DIS3: variants seen among roughly 807,000 people sequenced by gnomAD.
DIS3 encodes exosome complex exonuclease RRP44.
In DIS3, 103 loss-of-function variants were observed where a neutral mutation model predicts 113.0. The observed-to-expected ratio is 0.91, with a 90% confidence interval of 0.78 to 1.07. The LOEUF (loss-of-function observed/expected upper bound fraction) is 1.07. DIS3 is among the 50% of genes least tolerant of loss of function. The probability of loss-of-function intolerance (pLI) is 0.00; values close to 1 mark genes in which losing one functional copy is unlikely to be tolerated. For missense variants in DIS3, 1,121 were observed against 1,167.1 expected (o/e 0.96, Z 0.58); for synonymous variants, 402 against 394.3 (o/e 1.02, Z -0.23).
chr13:72,770,946 T>G lies in DIS3; in HGVS notation c.1713A>C (p.Glu571Asp). The G allele has an allele frequency of 6.2e-7, 1 of 1,606,326 alleles. No individual in the cohort carries two copies. Among genetic ancestry groups the G allele is most frequent in the South Asian group, 1.1e-5 (1 of 89,516 alleles). The change falls in exon 13 of 21, where the codon GAA becomes GAC. Residue 571 changes from glutamate to aspartate, a missense_variant. This residue lies in a region of DIS3 where 861 missense variants were observed against 915.5 expected (regional missense o/e 0.94). Transcript: ENST00000377767. Reference sequence around the variant, plus strand: ...TTTTGGTAAACTTCGTTTTTAAGATTTCAGCATTGTGATTCATTTCCCAAA... The same window carrying G: ...TTTTGGTAAACTTCGTTTTTAAGATGTCAGCATTGTGATTCATTTCCCAAA... The part of the protein sequence containing the change: ...SCIWEMNHNA[E>D]ILKTKFTKSV...
At position 72,753,940 on chromosome 13, in the gene DIS3, A is replaced by T. The variant is rs1453041735; in HGVS notation, c.*5855T>A. 9.4e-7 allele frequency: 1 copy of T among 1,065,990 alleles called. No individual in the cohort carries two copies. Among genetic ancestry groups the T allele is most frequent in the Non-Finnish European group, 1.3e-6 (1 of 755,782 alleles). The allele number at this position is 1,065,990 out of a possible 1,614,324, so 66.0% of individuals were successfully genotyped here. ...ATGAAATTTAAAACACTAAAAGGTA[A>T]GCCTGTTTTCTTAACATCCAATAAC... On this transcript the variant is annotated 3_prime_UTR_variant, in exon 21 of 21. Coordinates refer to ENST00000377767, the MANE Select transcript of DIS3 (RefSeq NM_014953.5).
chr13:72,759,238 A>G lies in DIS3; in HGVS notation c.*557T>C. On this transcript the variant is annotated 3_prime_UTR_variant, in exon 21 of 21. Coordinates refer to ENST00000377767, the MANE Select transcript of DIS3 (RefSeq NM_014953.5). Reference sequence around the variant, plus strand: ...TTTTTGCCTTTCTACCAATTCCCAAACATTCACAGTTTTTCAAGGACCACT... The same window carrying G: ...TTTTTGCCTTTCTACCAATTCCCAAGCATTCACAGTTTTTCAAGGACCACT... The G allele has an allele frequency of 5.0e-6, 1 of 200,118 alleles. No individual in the cohort carries two copies. The highest frequency in any genetic ancestry group is 1.0e-5 in the Non-Finnish European group (1 of 97,000). 12.4% of individuals were successfully genotyped at this position (200,118 alleles called of 1,614,324 possible). A position where few individuals can be genotyped will look rare whatever the true frequency, so the allele number is the denominator to read the frequency against.
chr13:72,777,827 G>T (rs933648370), intron 3 of DIS3, among the ~76,000 whole-genome samples: 8 of 151,378 alleles, frequency 5.3e-5, no homozygotes, highest in African/African-American at 1.5e-4. Flanking sequence ...TCTCAAGCAA[G>T]CCTCTTGCCC....
At chr13:72,765,683 G>A (rs969164214) in intron 15 of DIS3, among the ~76,000 whole-genome samples, 1 of 152,084 alleles carries the variant, frequency 6.6e-6, no homozygotes, top group African/African-American at 2.4e-5. Context: ...ATTAATTGGG[G>A]TAATTTTTTT....
intron 2 of DIS3, 94 bp downstream of exon 2, chr13:72,780,752 T>C: frequency 4.2e-6 from 5 of 1,182,042 alleles, no homozygotes; most frequent in Middle Eastern, 2.1e-4. Flanking sequence ...CTATCACTTA[T>C]CTTCTGACAA....
In DIS3 at chr13:72,754,301, GTTTC is replaced by G. The variant is rs2033378079; in HGVS notation, c.*5490_*5493del. On this transcript the variant is annotated 3_prime_UTR_variant, in exon 21 of 21. Transcript: ENST00000377767. The stretch of plus-strand genomic sequence containing the variant: ...GCCAACATGCCCAGCCTTGTATGCC[GTTTC>G]TTTTTTTTCTTTTTTTTTTTTTTTG... 1 of 154,942 alleles carries G rather than the reference GTTTC, an allele frequency of 6.5e-6. No homozygotes were observed. 9.6% of individuals were successfully genotyped at this position (154,942 alleles called of 1,614,324 possible).
Position 72,772,184 on chromosome 13 carries a change from C to T in DIS3, c.1478G>A (p.Arg493Gln), listed in dbSNP as rs547725369. The change falls in exon 10 of 21, where the codon CGA becomes CAA. Residue 493 changes from arginine (R) to glutamine (Q), a missense_variant. Physicochemically the swap from Arg to Gln is conservative, Grantham distance 43 (BLOSUM62 1). This residue lies in a region of DIS3 where 861 missense variants were observed against 915.5 expected (regional missense o/e 0.94). Coordinates refer to ENST00000377767, the MANE Select transcript of DIS3 (RefSeq NM_014953.5). ...CTCCAAATTTCCATTTTCGAGTTCT[C>T]GACAATGTAGAGCATCGTCTATATC... ...CTDIDDALHC[R>Q]ELENGNLEVG... is the part of the protein sequence containing the mutation. The T allele has an allele frequency of 5.6e-6, 9 of 1,612,996 alleles. No individual in the cohort carries two copies. Among genetic ancestry groups the T allele is most frequent in the Admixed American group, 3.3e-5 (2 of 59,912 alleles).
At chr13:72,774,147 A>G (rs1176631388) in intron 6 of DIS3, 88 bp from the exon 7 acceptor site, 1 of 757,594 alleles carries the variant, frequency 1.3e-6, no homozygotes, top group African/African-American at 1.8e-5. Context: ...ATACATGGAT[A>G]CTAATCCATT....
chr13:72,755,390 T>G lies in DIS3; in HGVS notation c.*4405A>C. ...GACATAGGAACAACAGAAATGCTCC[T>G]GGAACTTCAAGTTGCTGAATTATAA... On this transcript the variant is annotated 3_prime_UTR_variant, in exon 21 of 21. Transcript: ENST00000377767. 3.7e-6 allele frequency: 2 copies of G among 538,264 alleles called. No individual in the cohort carries two copies. Among genetic ancestry groups the G allele is most frequent in the Non-Finnish European group, 6.5e-6 (2 of 305,702 alleles). 33.3% of individuals were successfully genotyped at this position (538,264 alleles called of 1,614,324 possible). A position where few individuals can be genotyped will look rare whatever the true frequency, so the allele number is the denominator to read the frequency against.
chr13:72,768,746 T>G, intron 14 of DIS3, 39 bp downstream of exon 14: 1 of 1,445,044 alleles, frequency 6.9e-7, no homozygotes, highest in South Asian at 1.2e-5. Context: ...ATGTAAAGAG[T>G]ATAAAAATTA....
chr13:72,770,063 T>C lies in DIS3; in HGVS notation c.1755+841A>G, dbSNP rs116634578. On this transcript the variant is annotated intron_variant, in intron 13 of 20. Coordinates refer to ENST00000377767, the MANE Select transcript of DIS3 (RefSeq NM_014953.5). ...CCAATGGTGACTTAAACATCATTTC[T>C]GTGAGAAAATGTGAAGAAAGAAGTG... Among the ~76,000 whole-genome samples the C allele has an allele frequency of 5.3e-3, 809 of 152,298 alleles. 15 individuals are homozygous for C. The highest frequency in any genetic ancestry group is 0.018 in the African/African-American group (758 of 41,562).
rs777453729 is a variant in DIS3, at chr13:72,755,564, A to G, written c.*4231T>C. ...TAGCACTGAATTTAGCAGTTCTGAG[A>G]ACATGTGAAACTATGTTAAAACTGA... is the stretch of plus-strand genomic sequence containing the variant. On this transcript the variant is annotated 3_prime_UTR_variant, in exon 21 of 21. Transcript: ENST00000377767. 9.9e-5 allele frequency: 33 copies of G among 332,094 alleles called. No individual in the cohort carries two copies. Among genetic ancestry groups the G allele is most frequent in the Non-Finnish European group, 1.5e-4 (28 of 186,004 alleles). 20.6% of individuals were successfully genotyped at this position (332,094 alleles called of 1,614,324 possible). A position where few individuals can be genotyped will look rare whatever the true frequency, so the allele number is the denominator to read the frequency against.
chr13:72,765,153 A>C (rs914501012), intron 15 of DIS3, among the ~76,000 whole-genome samples: 8 of 152,202 alleles, frequency 5.3e-5, no homozygotes, highest in African/African-American at 1.9e-4. Context: ...TGTTTCCTAC[A>C]TCTTAACTAA....
In DIS3 at chr13:72,755,249, A is replaced by AGAG. The variant is rs2033425471; in HGVS notation, c.*4543_*4545dup. On this transcript the variant is annotated 3_prime_UTR_variant, in exon 21 of 21. Transcript: ENST00000377767. ...CTGTCAGAATCAAAGACTAAGCTTA[A>AGAG]GAGTTCCTCGCATATATCGTTGTGC... 1.3e-6 allele frequency: 2 copies of AGAG among 1,559,624 alleles called. No individual in the cohort carries two copies. Among genetic ancestry groups the AGAG allele is most frequent in the Middle Eastern group, 1.7e-4 (1 of 5,956 alleles).
At chr13:72,768,561 T>C (rs2033808287) in intron 14 of DIS3, among the ~76,000 whole-genome samples, 2 of 152,108 alleles carry the variant, frequency 1.3e-5, no homozygotes, top group South Asian at 4.2e-4. Flanking sequence ...GGAGAATTGT[T>C]CGAATTCGGG....
At chr13:72,778,610 G>A (rs2034078547) in intron 2 of DIS3, among the ~76,000 whole-genome samples, 1 of 152,028 alleles carries the variant, frequency 6.6e-6, no homozygotes, top group Admixed American at 6.6e-5. Context: ...AAGGGGACAA[G>A]AAAAAGGCTA....
chr13:72,766,140 A>G, intron 14 of DIS3, 82 bp from the exon 15 acceptor site: 1 of 1,150,788 alleles, frequency 8.7e-7, no homozygotes, highest in Non-Finnish European at 1.2e-6. Flanking sequence ...TTTAAAAAAG[A>G]CAATGACTAC....
At chr13:72,773,574 A>C in intron 8 of DIS3, 110 bp downstream of exon 8, 2 of 1,252,802 alleles carry the variant, frequency 1.6e-6, no homozygotes, top group East Asian at 2.6e-5. Context: ...ATATCTCTAA[A>C]TTTCAGTACA....
At position 72,757,007 on chromosome 13, in the gene DIS3, C is replaced by T. The variant is rs944581651; in HGVS notation, c.*2788G>A. On this transcript the variant is annotated 3_prime_UTR_variant, in exon 21 of 21. Coordinates refer to ENST00000377767, the MANE Select transcript of DIS3 (RefSeq NM_014953.5). ...TAAGTGATATATTCCACGTAACCTG[C>T]TTAGCATAAGAACTGGCACTAGAAA... The T allele has an allele frequency of 1.1e-4, 16 of 152,124 alleles. No individual in the cohort carries two copies. Among genetic ancestry groups the T allele is most frequent in the African/African-American group, 3.9e-4 (16 of 41,416 alleles). 9.4% of individuals were successfully genotyped at this position (152,124 alleles called of 1,614,324 possible). A position where few individuals can be genotyped will look rare whatever the true frequency, so the allele number is the denominator to read the frequency against.
Sources: gnomAD v4.1 joint callset for allele counts (sites outside exome capture counted in the v4.1 genomes callset) on GRCh38, gnomAD v4.1.1 for gene constraint, gnomAD v4.1.1 regional missense constraint, MANE v1.5 for transcripts, NCBI Gene and HGNC (gene_info 2026-07-23, HGNC 2026-07-21) for gene names.